Variants in KIRREL3 observed in about 807,000 individuals in gnomAD.
The protein encoded by KIRREL3 is kirre like nephrin family adhesion molecule 3.
A neutral mutation model predicts 89.7 loss-of-function variants in KIRREL3; 36 were observed. The observed-to-expected ratio is 0.40, with a 90% confidence interval of 0.31 to 0.53. KIRREL3 has a LOEUF of 0.53. Among genes scored for constraint, KIRREL3 ranks in the 20% least tolerant of loss-of-function variants. KIRREL3 has a pLI of 0.49. For synonymous variants in KIRREL3, 445 were observed against 441.4 expected (o/e 1.01, Z -0.10); for missense variants, 864 against 1,056.6 (o/e 0.82, Z 2.53).
chr11:126,913,519 T>C (rs555820071), intron 1 of KIRREL3, among the ~76,000 whole-genome samples: 3 of 152,320 alleles, frequency 2.0e-5, no homozygotes, highest in Non-Finnish European at 4.4e-5. Context: ...AGCTGGCAGC[T>C]ATCTGATGGC....
chr11:126,445,188 G>A (rs910927942), intron 9 of KIRREL3, 83 bp from the exon 10 acceptor site: 1 of 1,539,994 alleles, frequency 6.5e-7, no homozygotes, highest in Non-Finnish European at 8.8e-7. Flanking sequence ...CTGAGAGGCT[G>A]GCCTGGGGTA....
intron 1 of KIRREL3, among the ~76,000 whole-genome samples, chr11:126,619,881 C>A (rs1021872078): frequency 3.9e-5 from 6 of 152,202 alleles, no homozygotes; most frequent in African/African-American, 1.4e-4. Context: ...AGGAACTGAC[C>A]CAGCACAGGC....
Position 126,989,750 on chromosome 11 carries a change from C to A in KIRREL3, c.55+10705G>T, listed in dbSNP as rs967395217. On this transcript the variant is annotated intron_variant, in intron 1 of 16. Coordinates refer to ENST00000525144, the MANE Select transcript of KIRREL3 (RefSeq NM_032531.4). This position sits in a 1 kb window ranked among gnomAD's most constrained non-coding sequence, Gnocchi z 6.2. ...ACGAAGTCTTAGGGCCAACAGGGTT[C>A]CCCCGGTGTCTCTCCTGCAGCATGA... is the stretch of plus-strand genomic sequence containing the variant. Among the ~76,000 whole-genome samples, 2 of 152,154 alleles carry A rather than the reference C, an allele frequency of 1.3e-5. No homozygotes were observed. Among genetic ancestry groups the A allele is most frequent in the Admixed American group, 6.5e-5 (1 of 15,282 alleles).
chr11:126,479,335 C>G (rs963956692), intron 4 of KIRREL3, among the ~76,000 whole-genome samples: 4 of 152,332 alleles, frequency 2.6e-5, no homozygotes, highest in African/African-American at 7.2e-5. Flanking sequence ...CAACCTTTCT[C>G]TCACCAGCCT....
At chr11:126,901,446 A>G (rs940281329) in intron 1 of KIRREL3, among the ~76,000 whole-genome samples, 1 of 152,176 alleles carries the variant, frequency 6.6e-6, no homozygotes, top group Admixed American at 6.5e-5. Context: ...GAAAATCTGC[A>G]GAGTCTCAGC....
At chr11:126,927,789 GT>G (rs1455027628) in intron 1 of KIRREL3, among the ~76,000 whole-genome samples, 1 of 152,208 alleles carries the variant, frequency 6.6e-6, no homozygotes, top group Non-Finnish European at 1.5e-5. Flanking sequence ...AATCTCAAGA[GT>G]AGCTCTTCTT....
intron 1 of KIRREL3, among the ~76,000 whole-genome samples, chr11:126,798,914 A>G (rs1160289958): frequency 6.6e-6 from 1 of 152,228 alleles, no homozygotes; most frequent in Non-Finnish European, 1.5e-5. Context: ...TGCAAAACGA[A>G]GAGTACAGTG....
At chr11:126,446,999 G>A in intron 8 of KIRREL3, 113 bp from the exon 9 acceptor site, 1 of 1,315,634 alleles carries the variant, frequency 7.6e-7, no homozygotes, top group Non-Finnish European at 1.0e-6. Flanking sequence ...CAGGCAGTGG[G>A]GTACTTGTGC....
At chr11:126,638,480 C>G (rs1006010028) in intron 1 of KIRREL3, among the ~76,000 whole-genome samples, 1 of 152,170 alleles carries the variant, frequency 6.6e-6, no homozygotes, top group Non-Finnish European at 1.5e-5. Flanking sequence ...CTGAGTCTGG[C>G]CTAGTGTCAC....
At chr11:126,826,628 G>A (rs1460440494) in intron 1 of KIRREL3, among the ~76,000 whole-genome samples, 2 of 152,164 alleles carry the variant, frequency 1.3e-5, no homozygotes, top group East Asian at 1.9e-4. Flanking sequence ...TGGGAAATAC[G>A]TGTTGGAGGT....
At chr11:126,644,710 T>G (rs1565615684) in intron 1 of KIRREL3, among the ~76,000 whole-genome samples, 1 of 152,192 alleles carries the variant, frequency 6.6e-6, no homozygotes, top group Non-Finnish European at 1.5e-5. Flanking sequence ...GAAATTGAAG[T>G]GAGTCTGTGG....
Position 126,428,511 on chromosome 11 carries a change from T to A in KIRREL3, c.1806+668A>T, listed in dbSNP as rs564675037. Among the ~76,000 whole-genome samples, 1 of 152,026 alleles carries A rather than the reference T, an allele frequency of 6.6e-6. No homozygotes were observed. The highest frequency in any genetic ancestry group is 1.5e-5 in the Non-Finnish European group (1 of 68,006). On this transcript the variant is annotated intron_variant, in intron 15 of 16. Transcript: ENST00000525144. The surrounding 1 kb of genome is among the most constrained non-coding windows in gnomAD (Gnocchi z 6.4). ...ATGAGGGAGAGGGACATGTATTGAA[T>A]ATCTATAATAGCTATGTGTGTGTGT... is the stretch of plus-strand genomic sequence containing the variant.
intron 1 of KIRREL3, among the ~76,000 whole-genome samples, chr11:126,980,305 G>A (rs1327994750): frequency 2.6e-5 from 4 of 152,220 alleles, no homozygotes; most frequent in African/African-American, 9.6e-5. Context: ...TGGAAAGAGA[G>A]ATGGTGCCAG....
chr11:126,777,250 T>C (rs984580130), intron 1 of KIRREL3, among the ~76,000 whole-genome samples: 1 of 152,204 alleles, frequency 6.6e-6, no homozygotes, highest in Non-Finnish European at 1.5e-5. Context: ...ATGCACAGCA[T>C]GGTCCCCCAC....
At chr11:126,894,217 T>C (rs1272445420) in intron 1 of KIRREL3, among the ~76,000 whole-genome samples, 1 of 152,106 alleles carries the variant, frequency 6.6e-6, no homozygotes, top group East Asian at 1.9e-4. Context: ...ACACGCAAAG[T>C]AGAGAAAGCT....
In KIRREL3 at chr11:126,931,155, G is replaced by T. The variant is rs751078814; in HGVS notation, c.55+69300C>A. Among the ~76,000 whole-genome samples, 13 of 152,194 alleles carry T rather than the reference G, an allele frequency of 8.5e-5. No individual in the cohort carries two copies. Among genetic ancestry groups the T allele is most frequent in the African/African-American group, 1.7e-4 (7 of 41,442 alleles). ...TTATGTGCACTACCTGTGTTTGTCT[G>T]CTGGTCTTGCTGGCTTCCCCAGTAA... On this transcript the variant is annotated intron_variant, in intron 1 of 16. Coordinates refer to ENST00000525144, the MANE Select transcript of KIRREL3 (RefSeq NM_032531.4). This position sits in a 1 kb window ranked among gnomAD's most constrained non-coding sequence, Gnocchi z 5.1.
rs1319070824 is a variant in KIRREL3 at position 126,535,705 on chromosome 11, C to T, written c.134-9018G>A. ...AAGCACTTAAGATTTTGGTTGAGGG[C>T]TGGGCCCGGTGGCTCACGCCTGTAA... On this transcript the variant is annotated intron_variant, in intron 2 of 16. Coordinates refer to ENST00000525144, the MANE Select transcript of KIRREL3 (RefSeq NM_032531.4). The surrounding 1 kb of genome is among the most constrained non-coding windows in gnomAD (Gnocchi z 4.5). Among the ~76,000 whole-genome samples the T allele has an allele frequency of 1.3e-5, 2 of 152,192 alleles. No homozygotes were observed. Among genetic ancestry groups the T allele is most frequent in the South Asian group, 4.1e-4 (2 of 4,828 alleles).
chr11:126,691,019 C>T (rs1388341812), intron 1 of KIRREL3, among the ~76,000 whole-genome samples: 2 of 152,148 alleles, frequency 1.3e-5, no homozygotes, highest in African/African-American at 4.8e-5. Flanking sequence ...TAAAGAAACA[C>T]ATATGGTCAA....
In KIRREL3 at chr11:126,685,199, G is replaced by C. The variant is rs999263065; in HGVS notation, c.56-122287C>G. 1.3e-5 allele frequency among the ~76,000 whole-genome samples: 2 copies of C among 152,346 alleles called. No homozygotes were observed. The highest frequency in any genetic ancestry group is 2.1e-4 in the South Asian group (1 of 4,824). On this transcript the variant is annotated intron_variant, in intron 1 of 16. Transcript: ENST00000525144. The surrounding 1 kb of genome is among the most constrained non-coding windows in gnomAD (Gnocchi z 5.5). Reference sequence around the variant, plus strand: ...GAGGTGTGCTCAAGATGTGCTGAGAGCAGAGGATAGCCCCAGCTCTGCTCT... The same window carrying C: ...GAGGTGTGCTCAAGATGTGCTGAGACCAGAGGATAGCCCCAGCTCTGCTCT...
Sources: gnomAD v4.1 joint callset for allele counts (sites outside exome capture counted in the v4.1 genomes callset) on GRCh38, gnomAD v4.1.1 for gene constraint, Gnocchi (gnomAD v3.1) non-coding constraint, MANE v1.5 for transcripts, NCBI Gene and HGNC (gene_info 2026-07-23, HGNC 2026-07-21) for gene names.